The following CCDC183 variants were observed in gnomAD, a reference collection of about 807,000 sequenced individuals.
CCDC183 encodes the protein coiled-coil domain containing 183.
In CCDC183, 63 loss-of-function variants were observed where a neutral mutation model predicts 65.2. The ratio of observed to expected loss-of-function variants is 0.97; its 90% confidence interval spans 0.79 to 1.19. The LOEUF is 1.19. Ranked by LOEUF, CCDC183 falls within the 50% of genes most tolerant of loss-of-function variation. The probability of loss-of-function intolerance (pLI) is 0.00; values close to 1 mark genes in which losing one functional copy is unlikely to be tolerated. For missense variants in CCDC183, 769 were observed against 689.3 expected (o/e 1.12, Z -1.30); for synonymous variants, 323 against 276.5 (o/e 1.17, Z -1.67).
intron 8 of CCDC183, 149 bp from the exon 9 acceptor site, chr9:136,805,208 G>T: frequency 4.6e-6 from 3 of 656,470 alleles, no homozygotes; most frequent in Non-Finnish European, 7.9e-6. Flanking sequence ...GAGGGAGCAG[G>T]TTGGGGCGGG....
At chr9:136,806,413 C>A in intron 10 of CCDC183, 91 bp from the exon 11 acceptor site, 1 of 1,537,018 alleles carries the variant, frequency 6.5e-7, no homozygotes, top group East Asian at 2.3e-5. Context: ...GATTCTGGCA[C>A]AGCACCCAAC....
rs1428688659 is a variant in CCDC183 at position 136,806,954 on chromosome 9, G to C, written c.1390-16G>C. On this transcript the variant is annotated splice_polypyrimidine_tract_variant and intron_variant, in intron 12 of 13. Transcript: ENST00000338005. The stretch of plus-strand genomic sequence containing the variant: ...TTCAGAGTGTCTGCACGGCTGAAGG[G>C]GGCTTTGCCCTGCAGGGCGACACAA... 1.2e-6 allele frequency: 2 copies of C among 1,613,506 alleles called. No individual in the cohort carries two copies. Among genetic ancestry groups the C allele is most frequent in the Non-Finnish European group, 1.7e-6 (2 of 1,180,032 alleles).
chr9:136,804,553 G>A lies in CCDC183; in HGVS notation c.718G>A (p.Glu240Lys), dbSNP rs1847808155. The A allele has an allele frequency of 1.9e-6, 3 of 1,613,598 alleles. No homozygotes were observed. The highest frequency in any genetic ancestry group is 1.3e-5 in the African/African-American group (1 of 75,056). Residue 240 changes from glutamate to lysine, a missense_variant, in exon 7 of 14, where the codon GAG becomes AAG. Transcript: ENST00000338005. This position sits in a 1 kb window ranked among gnomAD's most constrained non-coding sequence, Gnocchi z 4.1. ...ASFIEERRAR[E>K]NRLNQQKKLI... Reference sequence around the variant, plus strand: ...CTTCATCGAGGAGCGCCGGGCAAGGGAGAACCGGCTCAACCAGCAGAAGAA... The same window carrying A: ...CTTCATCGAGGAGCGCCGGGCAAGGAAGAACCGGCTCAACCAGCAGAAGAA...
At chr9:136,799,908 G>C in intron 3 of CCDC183, 94 bp from the exon 4 acceptor site, 1 of 1,518,682 alleles carries the variant, frequency 6.6e-7, no homozygotes, top group Non-Finnish European at 8.9e-7. Flanking sequence ...GGTTCCCTGT[G>C]GGGTTGCCAC....
chr9:136,803,442 G>C (rs764881203), intron 6 of CCDC183, among the ~76,000 whole-genome samples: 8 of 152,170 alleles, frequency 5.3e-5, no homozygotes, highest in Non-Finnish European at 1.0e-4. Flanking sequence ...CAGCACAGGA[G>C]CCATGAAGTA....
chr9:136,799,828 C>G, intron 3 of CCDC183, 38 bp downstream of exon 3: 1 of 1,569,162 alleles, frequency 6.4e-7, no homozygotes, highest in Non-Finnish European at 8.7e-7. Context: ...CCAACCCTCC[C>G]CACCCCTGCC....
At position 136,800,536 on chromosome 9, in the gene CCDC183, A is replaced by T; in HGVS notation, c.543+43A>T. ...GGAAGGGCGGGGGTCAGGGGCTGGG[A>T]TCTGGGAGGGGCGGGAGCGTCCTGG... On this transcript the variant is annotated intron_variant, in intron 5 of 13. Coordinates refer to ENST00000338005, the MANE Select transcript of CCDC183 (RefSeq NM_001039374.5). The T allele has an allele frequency of 3.0e-6, 4 of 1,353,094 alleles. No homozygotes were observed. In the South Asian group the frequency reaches 3.7e-5, roughly 12 times the overall value. The allele number at this position is 1,353,094 out of a possible 1,614,324, so 83.8% of individuals were successfully genotyped here.
rs900999271 is a variant in CCDC183, at chr9:136,807,398, C to A, written c.1487-174C>A. 5.2e-5 allele frequency: 44 copies of A among 843,790 alleles called. No individual in the cohort carries two copies. In the African/African-American group the frequency reaches 6.4e-4, roughly 12 times the overall value. 52.3% of individuals were successfully genotyped at this position (843,790 alleles called of 1,614,324 possible). ...TGGGGGTTCTGCGGGAAAGGCTAGGCAGGGCAGCGTGAGCCGCTGCGAATG... is the reference window on the plus strand; with the variant it reads ...TGGGGGTTCTGCGGGAAAGGCTAGGAAGGGCAGCGTGAGCCGCTGCGAATG... On this transcript the variant is annotated intron_variant, in intron 13 of 13. Transcript: ENST00000338005.
intron 13 of CCDC183, 47 bp downstream of exon 13, chr9:136,807,113 A>G: frequency 1.3e-6 from 2 of 1,585,692 alleles, no homozygotes; most frequent in Non-Finnish European, 8.6e-7. Context: ...GGTGGCTGGA[A>G]CACAGGTCGG....
chr9:136,804,244 C>T lies in CCDC183; in HGVS notation c.667-258C>T. ...TTCCGTGAGTTCTAGGTGGACCTGG[C>T]CAGGAGGCAGCTGGGGGCCAGCGGC... On this transcript the variant is annotated intron_variant, in intron 6 of 13. Transcript: ENST00000338005. The surrounding 1 kb of genome is among the most constrained non-coding windows in gnomAD (Gnocchi z 4.1). The T allele has an allele frequency of 2.1e-6, 1 of 482,312 alleles. No homozygotes were observed. Among genetic ancestry groups the T allele is most frequent in the African/African-American group, 2.0e-5 (1 of 51,262 alleles). 29.9% of individuals were successfully genotyped at this position (482,312 alleles called of 1,614,324 possible).
At position 136,797,774 on chromosome 9, in the gene CCDC183, C is replaced by T. The variant is rs1847674869; in HGVS notation, c.70+1307C>T. ...TTTCTTTTCTCAGTCTTCATCCCAC[C>T]TGACGAGAAATACCCGCAGGTGTGG... On this transcript the variant is annotated intron_variant, in intron 1 of 13. Transcript: ENST00000338005. Among the ~76,000 whole-genome samples the T allele has an allele frequency of 2.0e-5, 3 of 152,152 alleles. No individual in the cohort carries two copies. In the South Asian group the frequency reaches 6.2e-4, roughly 31 times the overall value.
At position 136,799,295 on chromosome 9, in the gene CCDC183, C is replaced by G. The variant is rs1588330023; in HGVS notation, c.192+72C>G. 3 of 1,509,472 alleles carry G rather than the reference C, an allele frequency of 2.0e-6. No homozygotes were observed. In the East Asian group the frequency reaches 6.9e-5, roughly 35 times the overall value. The allele number at this position is 1,509,472 out of a possible 1,614,324, so 93.5% of individuals were successfully genotyped here. ...GCTGAGTACACACACACTCGGAGGG[C>G]GGGCACCTCCTCTCCACCCCCACCC... On this transcript the variant is annotated intron_variant, in intron 2 of 13. Coordinates refer to ENST00000338005, the MANE Select transcript of CCDC183 (RefSeq NM_001039374.5).
At chr9:136,805,637 T>C (rs1257241995) in intron 9 of CCDC183, 180 bp downstream of exon 9, 5 of 596,692 alleles carry the variant, frequency 8.4e-6, no homozygotes, top group Non-Finnish European at 1.2e-5. Context: ...AATCCTTTTA[T>C]CTTAATCCCA....
At position 136,804,494 on chromosome 9, in the gene CCDC183, G is replaced by A. The variant is rs1449788593; in HGVS notation, c.667-8G>A. On this transcript the variant is annotated splice_region_variant and splice_polypyrimidine_tract_variant and intron_variant, in intron 6 of 13. Transcript: ENST00000338005. This position sits in a 1 kb window ranked among gnomAD's most constrained non-coding sequence, Gnocchi z 4.1. ...TCCCCAACCCTGTGCCCACCCGCAT[G>A]TCCCCAGAGGAACATGAGGCAAAGG... is the stretch of plus-strand genomic sequence containing the variant. 25 of 1,611,664 alleles carry A rather than the reference G, an allele frequency of 1.6e-5. No homozygotes were observed. Among genetic ancestry groups the A allele is most frequent in the Non-Finnish European group, 2.0e-5 (24 of 1,179,532 alleles).
intron 9 of CCDC183, 60 bp downstream of exon 9, chr9:136,805,517 G>C (rs1245170557): frequency 7.5e-6 from 11 of 1,464,340 alleles, no homozygotes; most frequent in South Asian, 1.2e-5. Flanking sequence ...TCACGTCTGG[G>C]TAATGCTCCC....
intron 9 of CCDC183, 91 bp downstream of exon 9, chr9:136,805,548 A>T: frequency 8.2e-7 from 1 of 1,224,596 alleles, no homozygotes; most frequent in Non-Finnish European, 1.2e-6. Flanking sequence ...GGAGCATGGC[A>T]GGAGGGTGGC....
intron 5 of CCDC183, among the ~76,000 whole-genome samples, chr9:136,800,963 C>T (rs1847729310): frequency 6.6e-6 from 1 of 152,218 alleles, no homozygotes; most frequent in African/African-American, 2.4e-5. Flanking sequence ...AGGCTGAGCA[C>T]CGCCCCTCGG....
chr9:136,807,300 G>A, intron 13 of CCDC183: 1 of 644,442 alleles, frequency 1.6e-6, no homozygotes, highest in Non-Finnish European at 2.6e-6. Context: ...TGCCATGCCA[G>A]ACGGGCCCGG....
At chr9:136,797,449 T>G (rs1427066850) in intron 1 of CCDC183, among the ~76,000 whole-genome samples, 1 of 151,862 alleles carries the variant, frequency 6.6e-6, no homozygotes, top group East Asian at 1.9e-4. Context: ...TTTTTTTTTT[T>G]TTTTTATGAG....
Sources: gnomAD v4.1 joint callset for allele counts (sites outside exome capture counted in the v4.1 genomes callset) on GRCh38, gnomAD v4.1.1 for gene constraint, Gnocchi (gnomAD v3.1) non-coding constraint, MANE v1.5 for transcripts, NCBI Gene and HGNC (gene_info 2026-07-23, HGNC 2026-07-21) for gene names.